ITGA2: variants seen among roughly 807,000 people sequenced by gnomAD.
The protein encoded by ITGA2 is integrin alpha-2.
In ITGA2, 101 loss-of-function variants were observed where a neutral mutation model predicts 146.3. The ratio of observed to expected loss-of-function variants is 0.69; its 90% CI spans 0.59 to 0.81. The LOEUF (loss-of-function observed/expected upper bound fraction) is 0.81, where lower values mean the gene tolerates loss of function less well. ITGA2 is among the 40% of genes least tolerant of loss of function. The probability of loss-of-function intolerance (pLI) is 0.00; values close to 1 mark genes in which losing one functional copy is unlikely to be tolerated. For missense variants in ITGA2, 1,281 were observed against 1,402.7 expected (o/e 0.91, Z 1.39); for synonymous variants, 477 against 487.1 (o/e 0.98, Z 0.27).
Position 52,989,549 on chromosome 5 carries a change from C to T in ITGA2, c.64+17C>T. 1.2e-6 allele frequency: 2 copies of T among 1,613,998 alleles called. No homozygotes were observed. Among genetic ancestry groups the T allele is most frequent in the Middle Eastern group, 1.7e-4 (1 of 6,058 alleles). On this transcript the variant is annotated intron_variant, in intron 1 of 29. Coordinates refer to ENST00000296585, the MANE Select transcript of ITGA2 (RefSeq NM_002203.4). Reference sequence around the variant, plus strand: ...TCAGTCAAGGTAAGCGGGGATTTCGCTCTGCATCGGCTGCAGGAGGGACCC... The same window carrying T: ...TCAGTCAAGGTAAGCGGGGATTTCGTTCTGCATCGGCTGCAGGAGGGACCC...
Position 52,992,106 on chromosome 5 carries a change from C to T in ITGA2, c.64+2574C>T, listed in dbSNP as rs1287646968. Among the ~76,000 whole-genome samples the T allele has an allele frequency of 2.6e-5, 4 of 152,268 alleles. No individual in the cohort carries two copies. In the East Asian group the frequency reaches 7.7e-4, roughly 29 times the overall value. On this transcript the variant is annotated intron_variant, in intron 1 of 29. Transcript: ENST00000296585. Reference sequence around the variant, plus strand: ...AAATTCTCTCCCTAATGTAACTTCCCCTCAGTCTGTAAATATTCTAATTTT... The same window carrying T: ...AAATTCTCTCCCTAATGTAACTTCCTCTCAGTCTGTAAATATTCTAATTTT...
At chr5:53,040,259 T>C (rs1391101155) in intron 2 of ITGA2, among the ~76,000 whole-genome samples, 1 of 152,172 alleles carries the variant, frequency 6.6e-6, no homozygotes, top group Non-Finnish European at 1.5e-5. Context: ...AGAGTCAGAT[T>C]CTTTCCTTTT....
intron 13 of ITGA2, 111 bp downstream of exon 13, chr5:53,063,040 ATG>A: frequency 1.1e-6 from 1 of 883,940 alleles, no homozygotes; most frequent in Non-Finnish European, 1.7e-6. Flanking sequence ...CACAGATAGT[ATG>A]GTTTACATTT....
At chr5:53,088,459 G>A (rs966708947) in intron 28 of ITGA2, among the ~76,000 whole-genome samples, 1 of 152,076 alleles carries the variant, frequency 6.6e-6, no homozygotes, top group African/African-American at 2.4e-5. Flanking sequence ...GCCGAGGCAG[G>A]CGAATCACCT....
intron 8 of ITGA2, 96 bp downstream of exon 8, chr5:53,055,784 A>G: frequency 7.0e-7 from 1 of 1,428,334 alleles, no homozygotes; most frequent in Non-Finnish European, 9.9e-7. Context: ...TTGGCTGTTC[A>G]TAGTTGAATA....
chr5:53,033,262 C>G (rs1369511865), intron 2 of ITGA2, among the ~76,000 whole-genome samples: 1 of 130,070 alleles, frequency 7.7e-6, no homozygotes, highest in Non-Finnish European at 1.7e-5. Context: ...GAGGGAGATT[C>G]CATCTCAAAA....
At chr5:53,016,961 A>G (rs1349136885) in intron 1 of ITGA2, among the ~76,000 whole-genome samples, 1 of 152,164 alleles carries the variant, frequency 6.6e-6, no homozygotes, top group African/African-American at 2.4e-5. Flanking sequence ...TGAAATAGTC[A>G]TTTTGTCTTT....
intron 2 of ITGA2, among the ~76,000 whole-genome samples, chr5:53,039,126 C>A (rs1430820143): frequency 6.6e-6 from 1 of 152,124 alleles, no homozygotes. Context: ...GCTTCTTCTG[C>A]AGATGAAATT....
At position 53,094,412 on chromosome 5, in the gene ITGA2, G is replaced by T. The variant is rs1740598174; in HGVS notation, c.*3813G>T. The T allele has an allele frequency of 6.6e-6, 1 of 152,134 alleles. No homozygotes were observed. Among genetic ancestry groups the T allele is most frequent in the Non-Finnish European group, 1.5e-5 (1 of 68,006 alleles). 9.4% of individuals were successfully genotyped at this position (152,134 alleles called of 1,614,324 possible). ...TGGCAGATTAAGTCAAAATATGAAT[G>T]TATATATTGCATAACTATGTTAGAA... On this transcript the variant is annotated 3_prime_UTR_variant, in exon 30 of 30. Transcript: ENST00000296585.
intron 17 of ITGA2, among the ~76,000 whole-genome samples, chr5:53,071,323 T>C (rs2111993815): frequency 6.6e-6 from 1 of 152,006 alleles, no homozygotes; most frequent in East Asian, 1.9e-4. Context: ...ATACATGCAA[T>C]CCCTAGTGAG....
intron 1 of ITGA2, among the ~76,000 whole-genome samples, chr5:53,020,128 C>G (rs937548198): frequency 1.3e-4 from 19 of 151,912 alleles, no homozygotes; most frequent in African/African-American, 4.6e-4. Context: ...ACAATGTTTA[C>G]CACATCATAA....
intron 1 of ITGA2, among the ~76,000 whole-genome samples, chr5:52,996,988 C>T (rs1741294523): frequency 6.6e-6 from 1 of 152,170 alleles, no homozygotes; most frequent in Non-Finnish European, 1.5e-5. Flanking sequence ...AAAACATTTT[C>T]ATTGAATCAT....
Position 53,042,200 on chromosome 5 carries a change from T to G in ITGA2, c.274T>G (p.Cys92Gly). ...KCPVDLSTAT[C>G]EKLNLQTSTS... ...TCCTGTTGACCTATCCACTGCCACA[T>G]GTGAAAAACTAAATTTGCAAAGTAA... Residue 92 changes from cysteine to glycine, a missense_variant, in exon 3 of 30, where the codon TGT (cysteine) becomes GGT (glycine). By Grantham distance (159) the Cys-to-Gly change is radical (BLOSUM62 -3). Transcript: ENST00000296585. The G allele has an allele frequency of 6.2e-7, 1 of 1,610,592 alleles. No individual in the cohort carries two copies.
chr5:53,029,484 G>C (rs3212428), intron 2 of ITGA2, among the ~76,000 whole-genome samples: 1 of 152,108 alleles, frequency 6.6e-6, no homozygotes, highest in Admixed American at 6.6e-5. Context: ...CTGCCTGGAA[G>C]AGTCTTCCCT....
rs1470647674 is a variant in ITGA2 at position 53,093,394 on chromosome 5, C to T, written c.*2795C>T. On this transcript the variant is annotated 3_prime_UTR_variant, in exon 30 of 30. Transcript: ENST00000296585. Reference sequence around the variant, plus strand: ...ATCACACCAGGACAGGGTCTCTCAACCTGGGCGCTACTGTCATTTGGGGCC... The same window carrying T: ...ATCACACCAGGACAGGGTCTCTCAATCTGGGCGCTACTGTCATTTGGGGCC... 3.3e-5 allele frequency: 5 copies of T among 152,218 alleles called. No individual in the cohort carries two copies. Among genetic ancestry groups the T allele is most frequent in the Admixed American group, 6.5e-5 (1 of 15,276 alleles). 9.4% of individuals were successfully genotyped at this position (152,218 alleles called of 1,614,324 possible).
intron 23 of ITGA2, among the ~76,000 whole-genome samples, chr5:53,077,982 T>G (rs932683482): frequency 4.6e-5 from 7 of 152,022 alleles, no homozygotes; most frequent in Non-Finnish European, 8.8e-5. Flanking sequence ...GAAGCTACCC[T>G]GGTTGGAATC....
chr5:52,996,861 T>C (rs772890575), intron 1 of ITGA2, among the ~76,000 whole-genome samples: 3 of 152,228 alleles, frequency 2.0e-5, no homozygotes, highest in Non-Finnish European at 2.9e-5. Flanking sequence ...CAAAATAATC[T>C]TGTTAGAAAT....
intron 1 of ITGA2, among the ~76,000 whole-genome samples, chr5:52,996,359 G>A (rs1741252394): frequency 6.6e-6 from 1 of 152,166 alleles, no homozygotes; most frequent in South Asian, 2.1e-4. Context: ...ACTATACAAA[G>A]GATATTATCA....
At chr5:53,047,865 A>G (rs1452131827) in intron 4 of ITGA2, among the ~76,000 whole-genome samples, 2 of 152,260 alleles carry the variant, frequency 1.3e-5, no homozygotes, top group Non-Finnish European at 2.9e-5. Flanking sequence ...GCTAGCTAAC[A>G]ATATTATATG....
Sources: gnomAD v4.1 joint callset for allele counts (sites outside exome capture counted in the v4.1 genomes callset) on GRCh38, gnomAD v4.1.1 for gene constraint, MANE v1.5 for transcripts, NCBI Gene and HGNC (gene_info 2026-07-23, HGNC 2026-07-21) for gene names.